Variants in PDS5B observed in about 807,000 individuals in gnomAD.
PDS5B encodes PDS5 cohesin associated factor B, also known as sister chromatid cohesion protein PDS5 homolog B.
PDS5B carries 51 observed loss-of-function variants against 184.1 expected under a neutral mutation model. The observed-to-expected ratio is 0.28, with a 90% CI of 0.22 to 0.35. PDS5B has a LOEUF of 0.35. Among genes scored for constraint, PDS5B ranks in the 10% least tolerant of loss-of-function variants. The pLI is 1.00. For synonymous variants in PDS5B, 566 were observed against 569.2 expected (o/e 0.99, Z 0.08); for missense variants, 1,180 against 1,723.3 (o/e 0.68, Z 5.58).
chr13:32,741,069 T>A lies in PDS5B; in HGVS notation c.2407-11T>A. Reference sequence around the variant, plus strand: ...GTCCCTGGTTTTTTTTTTTTTCTCGTTTATTTTTAGCTTCCAGGGAAAAAG... The same window carrying A: ...GTCCCTGGTTTTTTTTTTTTTCTCGATTATTTTTAGCTTCCAGGGAAAAAG... On this transcript the variant is annotated splice_polypyrimidine_tract_variant and intron_variant, in intron 21 of 34. Coordinates refer to ENST00000315596, the MANE Select transcript of PDS5B (RefSeq NM_015032.4). 1.5e-6 allele frequency: 2 copies of A among 1,344,922 alleles called. No individual in the cohort carries two copies. The highest frequency in any genetic ancestry group is 2.1e-6 in the Non-Finnish European group (2 of 957,552). The allele number at this position is 1,344,922 out of a possible 1,614,324, so 83.3% of individuals were successfully genotyped here. A position where few individuals can be genotyped will look rare whatever the true frequency, so the allele number is the denominator to read the frequency against.
chr13:32,669,419 A>C (rs899413540), intron 7 of PDS5B, among the ~76,000 whole-genome samples: 1 of 152,042 alleles, frequency 6.6e-6, no homozygotes, highest in African/African-American at 2.4e-5. Flanking sequence ...TGATTGGGGC[A>C]ATTAAAGGAA....
At chr13:32,638,258 A>T (rs976529449) in intron 1 of PDS5B, among the ~76,000 whole-genome samples, 1 of 152,228 alleles carries the variant, frequency 6.6e-6, no homozygotes, top group African/African-American at 2.4e-5. Context: ...TCATAACGCC[A>T]TCTCAGATTC....
intron 6 of PDS5B, among the ~76,000 whole-genome samples, chr13:32,665,134 C>T (rs912799383): frequency 6.6e-6 from 1 of 151,854 alleles, no homozygotes; most frequent in Non-Finnish European, 1.5e-5. Flanking sequence ...TACAAGTTAT[C>T]AAAGGGGGAA....
chr13:32,636,216 A>G (rs1312080964), intron 1 of PDS5B, among the ~76,000 whole-genome samples: 2 of 150,856 alleles, frequency 1.3e-5, no homozygotes, highest in Non-Finnish European at 2.9e-5. Context: ...CATTTTCTTC[A>G]TCTGTAACAT....
rs772987297 is a variant in PDS5B at position 32,770,182 on chromosome 13, T to C, written c.3686T>C (p.Leu1229Ser). ...KTPVTEQEEK[L>S]GMDDLTKLVQ... Reference sequence around the variant, plus strand: ...CCCGTCACAGAACAGGAGGAGAAATTAGGTATGGATGACTTGACTAAGTTG... The same window carrying C: ...CCCGTCACAGAACAGGAGGAGAAATCAGGTATGGATGACTTGACTAAGTTG... The change falls in exon 32 of 35, where the codon TTA (leucine) becomes TCA (serine). Residue 1229 changes from leucine (L) to serine (S), a missense_variant. Leu to Ser is a moderately radical substitution (Grantham distance 145). Coordinates refer to ENST00000315596, the MANE Select transcript of PDS5B (RefSeq NM_015032.4). 1.9e-6 allele frequency: 3 copies of C among 1,613,194 alleles called. No homozygotes were observed. The Admixed American group carries it at 5.0e-5, about 27-fold the overall frequency.
intron 1 of PDS5B, among the ~76,000 whole-genome samples, chr13:32,637,197 G>A (rs1330208276): frequency 7.8e-6 from 1 of 127,648 alleles, no homozygotes; most frequent in Non-Finnish European, 1.6e-5. Context: ...GTAGATTTAT[G>A]TTGTGGTGAA....
intron 19 of PDS5B, among the ~76,000 whole-genome samples, chr13:32,714,401 A>G (rs1952305506): frequency 6.6e-6 from 1 of 152,160 alleles, no homozygotes; most frequent in Non-Finnish European, 1.5e-5. Flanking sequence ...ATTGTCATTG[A>G]TAACATCTTA....
At chr13:32,727,889 C>T (rs1005147861) in intron 19 of PDS5B, among the ~76,000 whole-genome samples, 14 of 151,514 alleles carry the variant, frequency 9.2e-5, no homozygotes, top group African/African-American at 3.4e-4. Flanking sequence ...CTCCATCTGC[C>T]TTGTTGTTTT....
chr13:32,741,164 A>T lies in PDS5B; in HGVS notation c.2475+16A>T. 1.5e-6 allele frequency: 2 copies of T among 1,306,062 alleles called. No individual in the cohort carries two copies. The highest frequency in any genetic ancestry group is 2.2e-6 in the Non-Finnish European group (2 of 922,274). 80.9% of individuals were successfully genotyped at this position (1,306,062 alleles called of 1,614,324 possible). On this transcript the variant is annotated intron_variant, in intron 22 of 34. Coordinates refer to ENST00000315596, the MANE Select transcript of PDS5B (RefSeq NM_015032.4). ...AATGGTCAAAGTGAGTAATGTGCAT[A>T]GATCTATTGATTTTAATATAATCAC...
chr13:32,619,818 G>T (rs1482190733), intron 1 of PDS5B, among the ~76,000 whole-genome samples: 1 of 152,110 alleles, frequency 6.6e-6, no homozygotes, highest in Non-Finnish European at 1.5e-5. Context: ...TTTTATTTGA[G>T]ATGAAGTTTT....
chr13:32,619,589 A>G (rs2058266416), intron 1 of PDS5B, among the ~76,000 whole-genome samples: 1 of 152,184 alleles, frequency 6.6e-6, no homozygotes, highest in African/African-American at 2.4e-5. Flanking sequence ...GATTTTATAA[A>G]CACTGTACAA....
At chr13:32,686,722 C>A (rs1410855034) in intron 11 of PDS5B, among the ~76,000 whole-genome samples, 3 of 152,180 alleles carry the variant, frequency 2.0e-5, no homozygotes, top group Non-Finnish European at 2.9e-5. Flanking sequence ...TTGTTCATGA[C>A]TTTGGTGAGC....
rs1010295178 is a variant in PDS5B, at chr13:32,616,716, G to C, written c.-20+30123G>C. Among the ~76,000 whole-genome samples, 6 of 152,074 alleles carry C rather than the reference G, an allele frequency of 3.9e-5. No homozygotes were observed. The East Asian group carries it at 1.2e-3, about 29-fold the overall frequency. ...TTATTTATTTACCTGAGACAATATA[G>C]CCTTTTAAAAAAAAATTTGTTTAAG... is the stretch of plus-strand genomic sequence containing the variant. On this transcript the variant is annotated intron_variant, in intron 1 of 34. Coordinates refer to ENST00000315596, the MANE Select transcript of PDS5B (RefSeq NM_015032.4).
rs918889611 is a variant in PDS5B, at chr13:32,742,783, G to A, written c.2612+56G>A. The A allele has an allele frequency of 4.1e-6, 6 of 1,461,200 alleles. No homozygotes were observed. The Admixed American group carries it at 5.4e-5, about 13-fold the overall frequency. The allele number at this position is 1,461,200 out of a possible 1,614,324, so 90.5% of individuals were successfully genotyped here. A position where few individuals can be genotyped will look rare whatever the true frequency, so the allele number is the denominator to read the frequency against. On this transcript the variant is annotated intron_variant, in intron 23 of 34. Transcript: ENST00000315596. ...ATTGCATAATATTTCAGCTCTTGGT[G>A]TAACTGTTCAATGGTGCTGTTTCTT...
intron 19 of PDS5B, among the ~76,000 whole-genome samples, chr13:32,725,947 G>A (rs887056455): frequency 2.6e-5 from 4 of 151,820 alleles, no homozygotes; most frequent in Non-Finnish European, 4.4e-5. Context: ...AATTCTTTGG[G>A]TGGTTATGCT....
At chr13:32,673,723 T>G (rs889601415) in intron 8 of PDS5B, among the ~76,000 whole-genome samples, 1 of 152,246 alleles carries the variant, frequency 6.6e-6, no homozygotes, top group Non-Finnish European at 1.5e-5. Context: ...TAGAGTTTTT[T>G]ATCCACATAG....
intron 1 of PDS5B, among the ~76,000 whole-genome samples, chr13:32,611,678 T>G (rs1463595241): frequency 6.6e-6 from 1 of 151,740 alleles, no homozygotes; most frequent in Admixed American, 6.6e-5. Flanking sequence ...CTGCTAAGTT[T>G]TTGTATTTTT....
chr13:32,777,667 A>G lies in PDS5B; in HGVS notation c.*2615A>G, dbSNP rs1023599815. On this transcript the variant is annotated 3_prime_UTR_variant, in exon 35 of 35. Coordinates refer to ENST00000315596, the MANE Select transcript of PDS5B (RefSeq NM_015032.4). ...GTGAGGTTATCTTGCTGCACTCTGT[A>G]GCAAATTTGTTTAATCTACATTATA... is the stretch of plus-strand genomic sequence containing the variant. The G allele has an allele frequency of 6.6e-6, 1 of 152,392 alleles. No individual in the cohort carries two copies. Among genetic ancestry groups the G allele is most frequent in the Non-Finnish European group, 1.5e-5 (1 of 67,834 alleles). 9.4% of individuals were successfully genotyped at this position (152,392 alleles called of 1,614,324 possible).
chr13:32,702,612 A>G (rs1951894170), intron 17 of PDS5B, among the ~76,000 whole-genome samples: 1 of 152,182 alleles, frequency 6.6e-6, no homozygotes, highest in African/African-American at 2.4e-5. Flanking sequence ...AGAGGGGAGA[A>G]TGGGTAAGAT....
Sources: allele counts gnomAD v4.1 joint callset (sites outside exome capture counted in the v4.1 genomes callset), GRCh38; gene constraint gnomAD v4.1.1; transcripts MANE v1.5; gene names NCBI Gene and HGNC (gene_info 2026-07-23, HGNC 2026-07-21).